Variants in RSPRY1 observed in about 807,000 individuals in gnomAD.
The protein encoded by RSPRY1 is RING finger and SPRY domain-containing protein 1.
Under a neutral mutation model 73.1 loss-of-function variants are expected in RSPRY1, and 23 were observed. The observed-to-expected ratio is 0.31, with a 90% confidence interval of 0.23 to 0.45. The LOEUF is 0.45. RSPRY1 is among the 20% of genes least tolerant of loss of function. The pLI, the probability that RSPRY1 is intolerant of heterozygous loss-of-function variation, is 1.00. For synonymous variants in RSPRY1, 226 were observed against 251.4 expected, an observed-to-expected ratio of 0.90 and a Z score of 0.95; for missense variants, 448 against 698.7, an observed-to-expected ratio of 0.64 and a Z score of 4.05.
intron 1 of RSPRY1, among the ~76,000 whole-genome samples, chr16:57,195,683 A>G (rs1314035472): frequency 6.7e-6 from 1 of 148,454 alleles, no homozygotes; most frequent in East Asian, 2.0e-4. Context: ...TTTTTGTCTC[A>G]AAGTTGACTT....
intron 13 of RSPRY1, among the ~76,000 whole-genome samples, chr16:57,234,590 G>T (rs2075274261): frequency 6.6e-6 from 1 of 152,190 alleles, no homozygotes; most frequent in African/African-American, 2.4e-5. Context: ...ATATATTAGG[G>T]CTGTACCTTC....
chr16:57,198,315 C>T (rs1220135514), intron 1 of RSPRY1, among the ~76,000 whole-genome samples: 5 of 151,446 alleles, frequency 3.3e-5, no homozygotes, highest in African/African-American at 1.2e-4. Flanking sequence ...ACCTGGGAGG[C>T]GGAGCTTGCA....
chr16:57,208,205 T>C, intron 3 of RSPRY1, 95 bp downstream of exon 3: 1 of 715,748 alleles, frequency 1.4e-6, no homozygotes, highest in Non-Finnish European at 2.2e-6. Flanking sequence ...TGTTTTGAGA[T>C]AAAAGACTCC....
At chr16:57,192,181 A>C (rs1360601127) in intron 1 of RSPRY1, among the ~76,000 whole-genome samples, 1 of 152,242 alleles carries the variant, frequency 6.6e-6, no homozygotes, top group East Asian at 1.9e-4. Flanking sequence ...CATTTAAAGT[A>C]GACATCATTA....
rs1238773486 is a variant in RSPRY1 at position 57,239,126 on chromosome 16, G to A, written c.*151G>A. On this transcript the variant is annotated 3_prime_UTR_variant, in exon 15 of 15. Coordinates refer to ENST00000394420, the MANE Select transcript of RSPRY1 (RefSeq NM_133368.3). ...ATGCTAAAAATGGTAGTTTGTCAAA[G>A]ACAAAATTCTCTTAGAATCTAATCC... 5.1e-6 allele frequency: 2 copies of A among 395,574 alleles called. No individual in the cohort carries two copies. Among genetic ancestry groups the A allele is most frequent in the Non-Finnish European group, 9.0e-6 (2 of 223,192 alleles). The allele number at this position is 395,574 out of a possible 1,614,324, so 24.5% of individuals were successfully genotyped here. A position where few individuals can be genotyped will look rare whatever the true frequency, so the allele number is the denominator to read the frequency against.
chr16:57,219,963 A>C (rs575892559), intron 8 of RSPRY1: 1 of 152,118 alleles, frequency 6.6e-6, no homozygotes, highest in South Asian at 2.1e-4. Flanking sequence ...AAATGAGTTC[A>C]CTGTAGATGT....
chr16:57,233,402 G>T (rs1471885370), intron 13 of RSPRY1, among the ~76,000 whole-genome samples: 1 of 151,772 alleles, frequency 6.6e-6, no homozygotes, highest in Non-Finnish European at 1.5e-5. Flanking sequence ...TTGAGACAGG[G>T]TCTCACTCTG....
intron 12 of RSPRY1, 25 bp from the exon 13 acceptor site, chr16:57,231,142 G>T: frequency 6.3e-7 from 1 of 1,596,600 alleles, no homozygotes; most frequent in Non-Finnish European, 8.5e-7. Flanking sequence ...AATTCTATTG[G>T]CCTCTGTACT....
intron 10 of RSPRY1, among the ~76,000 whole-genome samples, chr16:57,222,685 C>G (rs181622143): frequency 6.6e-6 from 1 of 152,328 alleles, no homozygotes; most frequent in East Asian, 1.9e-4. Context: ...TATTCTACAA[C>G]AGTTGTTTTC....
intron 13 of RSPRY1, among the ~76,000 whole-genome samples, chr16:57,233,609 A>G (rs535010424): frequency 6.6e-5 from 10 of 152,298 alleles, no homozygotes; most frequent in Non-Finnish European, 1.0e-4. Context: ...GGTTCAAGCC[A>G]TCTGCCTGCC....
At chr16:57,200,999 C>T (rs1354176922) in intron 1 of RSPRY1, among the ~76,000 whole-genome samples, 1 of 131,892 alleles carries the variant, frequency 7.6e-6, no homozygotes, top group Non-Finnish European at 1.7e-5. Context: ...GGCGGCTGGC[C>T]GGGCGGGGGG....
chr16:57,232,903 T>C (rs1298996100), intron 13 of RSPRY1, among the ~76,000 whole-genome samples: 2 of 152,230 alleles, frequency 1.3e-5, no homozygotes, highest in East Asian at 1.9e-4. Context: ...CAAGAAGATA[T>C]AGTTGTCAGG....
intron 2 of RSPRY1, chr16:57,207,547 T>C (rs2074748811): frequency 2.2e-6 from 1 of 455,078 alleles, no homozygotes; most frequent in Non-Finnish European, 4.4e-6. Context: ...GTTTTGTTTC[T>C]TGTAATACCA....
At chr16:57,233,821 C>T (rs988453195) in intron 13 of RSPRY1, among the ~76,000 whole-genome samples, 7 of 152,178 alleles carry the variant, frequency 4.6e-5, no homozygotes, top group African/African-American at 1.4e-4. Flanking sequence ...TCCAACTACT[C>T]ATCACCCTCA....
intron 9 of RSPRY1, 102 bp downstream of exon 9, chr16:57,220,949 C>CT: frequency 1.2e-6 from 1 of 851,916 alleles, no homozygotes; most frequent in Non-Finnish European, 1.9e-6. Flanking sequence ...CCCACTCTCC[C>CT]TGTATTTTGG....
At chr16:57,217,491 T>G (rs1172110034) in intron 8 of RSPRY1, among the ~76,000 whole-genome samples, 1 of 152,226 alleles carries the variant, frequency 6.6e-6, no homozygotes, top group East Asian at 1.9e-4. Context: ...CTGATTTTTC[T>G]CTTTTCCTCC....
At chr16:57,216,769 T>C in intron 7 of RSPRY1, 135 bp from the exon 8 acceptor site, 1 of 829,774 alleles carries the variant, frequency 1.2e-6, no homozygotes, top group Non-Finnish European at 1.9e-6. Context: ...ATGTTTTCCC[T>C]AGAAATTTTA....
chr16:57,223,645 G>A (rs920856400), intron 10 of RSPRY1, among the ~76,000 whole-genome samples: 24 of 152,046 alleles, frequency 1.6e-4, no homozygotes, highest in Non-Finnish European at 2.6e-4. Flanking sequence ...GGTGGCGGGC[G>A]CCTGTAATCC....
At chr16:57,226,233 C>T (rs1461723118) in intron 10 of RSPRY1, among the ~76,000 whole-genome samples, 4 of 152,172 alleles carry the variant, frequency 2.6e-5, no homozygotes, top group African/African-American at 9.7e-5. Flanking sequence ...CTGCTACATG[C>T]AAGAAAGGTA....
Sources: gnomAD v4.1 joint callset for allele counts (sites outside exome capture counted in the v4.1 genomes callset) on GRCh38, gnomAD v4.1.1 for gene constraint, MANE v1.5 for transcripts, NCBI Gene and HGNC (gene_info 2026-07-23, HGNC 2026-07-21) for gene names.